The following C2CD5 variants were observed in gnomAD, a reference collection of about 807,000 sequenced individuals.
C2CD5 encodes the protein C2 domain-containing protein 5.
C2CD5 carries 109 observed loss-of-function variants against 130.3 expected under a neutral mutation model. The observed-to-expected ratio is 0.84, with a 90% CI of 0.72 to 0.98. The LOEUF (loss-of-function observed/expected upper bound fraction) is 0.98, where lower values mean the gene tolerates loss of function less well. Ranked by LOEUF, C2CD5 falls within the 50% of genes least tolerant of loss-of-function variation. C2CD5 has a pLI of 0.00. For missense variants in C2CD5, 996 were observed against 1,261.8 expected (o/e 0.79, Z 3.19); for synonymous variants, 454 against 429.2 (o/e 1.06, Z -0.71).
chr12:22,471,547 AT>A lies in C2CD5; in HGVS notation c.2269-60del, dbSNP rs1047459503. 71 of 949,864 alleles carry A rather than the reference AT, an allele frequency of 7.5e-5. No homozygotes were observed. In the African/African-American group the frequency reaches 9.1e-4, roughly 12 times the overall value. 58.8% of individuals were successfully genotyped at this position (949,864 alleles called of 1,614,324 possible). A position where few individuals can be genotyped will look rare whatever the true frequency, so the allele number is the denominator to read the frequency against. Reference sequence around the variant, plus strand: ...TTTATTTAAAAATTTTTAAAAGCTGATTTTTTTAATGTACATTATATTATAG... The same window carrying A: ...TTTATTTAAAAATTTTTAAAAGCTGATTTTTTAATGTACATTATATTATAG... On this transcript the variant is annotated intron_variant, in intron 19 of 26. Transcript: ENST00000446597.
intron 9 of C2CD5, 66 bp downstream of exon 9, chr12:22,513,228 A>G (rs1949380932): frequency 4.4e-6 from 5 of 1,140,936 alleles, no homozygotes; most frequent in Admixed American, 1.8e-5. Flanking sequence ...ATGCAAGTAC[A>G]TGGAAGCATA....
chr12:22,532,942 T>C (rs1423693455), intron 3 of C2CD5, among the ~76,000 whole-genome samples: 3 of 152,290 alleles, frequency 2.0e-5, no homozygotes, highest in Admixed American at 6.5e-5. Context: ...GGTTCTTAAG[T>C]AGTCCAATGA....
At chr12:22,527,305 ATATAT>A (rs1283548182) in intron 4 of C2CD5, among the ~76,000 whole-genome samples, 2 of 148,054 alleles carry the variant, frequency 1.4e-5, no homozygotes, top group African/African-American at 5.0e-5. Flanking sequence ...TCATCTTAAG[ATATAT>A]TATATACATA....
At chr12:22,509,100 G>A (rs535679291) in intron 9 of C2CD5, among the ~76,000 whole-genome samples, 39 of 150,782 alleles carry the variant, frequency 2.6e-4, no homozygotes, top group African/African-American at 7.8e-4. Flanking sequence ...GGATGGTCTC[G>A]ATCTCCTGAC....
Position 22,524,596 on chromosome 12 carries a change from C to T in C2CD5, c.477G>A (p.Val159=). The T allele has an allele frequency of 3.1e-6, 5 of 1,613,286 alleles. No individual in the cohort carries two copies. The part of the protein sequence containing the change: ...TTSIPKCYRA[V]IIHGFVEELV... Reference sequence around the variant, plus strand: ...GTTCTTCTACAAATCCATGAATTATCACAGCTCTATAGCATTTTGGAATAG... The same window carrying T: ...GTTCTTCTACAAATCCATGAATTATTACAGCTCTATAGCATTTTGGAATAG... The change falls in exon 6 of 27, where the codon GTG becomes GTA. Residue 159 remains valine (V), a synonymous_variant. Transcript: ENST00000446597.
At chr12:22,512,711 AGAG>A (rs1437835676) in intron 9 of C2CD5, 4 of 1,376,782 alleles carry the variant, frequency 2.9e-6, no homozygotes, top group Non-Finnish European at 2.9e-6. Context: ...AAAAAAAAAA[AGAG>A]AGAGAGAGAA....
At chr12:22,542,657 T>C (rs994231676) in intron 2 of C2CD5, among the ~76,000 whole-genome samples, 1 of 152,232 alleles carries the variant, frequency 6.6e-6, no homozygotes, top group African/African-American at 2.4e-5. Flanking sequence ...CTTTCCATAT[T>C]CTAATACAAT....
At chr12:22,537,443 T>C (rs1262640655) in intron 2 of C2CD5, among the ~76,000 whole-genome samples, 1 of 152,080 alleles carries the variant, frequency 6.6e-6, no homozygotes, top group Middle Eastern at 3.4e-3. Context: ...AAGGCTGGAG[T>C]GTGTATTTTG....
intron 9 of C2CD5, among the ~76,000 whole-genome samples, chr12:22,509,549 A>G (rs576288816): frequency 2.6e-5 from 4 of 152,340 alleles, no homozygotes; most frequent in African/African-American, 7.2e-5. Context: ...AATTTAACCT[A>G]TAATAAATAA....
chr12:22,465,432 T>C (rs1591959795), intron 22 of C2CD5, among the ~76,000 whole-genome samples: 1 of 152,166 alleles, frequency 6.6e-6, no homozygotes, highest in African/African-American at 2.4e-5. Flanking sequence ...TAGTATATGA[T>C]TTATACACAC....
intron 2 of C2CD5, among the ~76,000 whole-genome samples, chr12:22,541,394 G>A (rs147596859): frequency 1.3e-3 from 191 of 152,078 alleles, no homozygotes; most frequent in Non-Finnish European, 2.1e-3. Context: ...CCATATAACA[G>A]TGCTCATCTT....
chr12:22,508,871 CTTT>C (rs60617771), intron 9 of C2CD5, among the ~76,000 whole-genome samples: 3 of 138,372 alleles, frequency 2.2e-5, no homozygotes. Flanking sequence ...ATACTTAAAT[CTTT>C]TTTTTTTTTT....
At chr12:22,526,001 T>C (rs556453511) in intron 4 of C2CD5, among the ~76,000 whole-genome samples, 2 of 152,328 alleles carry the variant, frequency 1.3e-5, no homozygotes, top group African/African-American at 4.8e-5. Flanking sequence ...GGCTAAGCTA[T>C]AATGTTTGGT....
intron 10 of C2CD5, among the ~76,000 whole-genome samples, chr12:22,502,036 GTTT>G (rs1243669882): frequency 6.6e-6 from 1 of 151,448 alleles, no homozygotes; most frequent in Non-Finnish European, 1.5e-5. Flanking sequence ...TGTACATTAT[GTTT>G]TTATCAAAAA....
chr12:22,472,807 T>C lies in C2CD5; in HGVS notation c.2044A>G (p.Ile682Val), dbSNP rs1390196042. ...TCTTCCATGGCATCTGTGTCATCAA[T>C]CTTAAAATAGAGATTAAAACTATTT... ...HGKKDAFVLE[I>V]DDTDAMEDVH... The change falls in exon 17 of 27, where the codon ATT becomes GTT. Residue 682 changes from isoleucine to valine, a missense_variant and splice_region_variant. Ile to Val is a conservative substitution (Grantham distance 29, BLOSUM62 3). Coordinates refer to ENST00000446597, the MANE Select transcript of C2CD5 (RefSeq NM_001286176.2). 1.3e-6 allele frequency: 2 copies of C among 1,520,142 alleles called. No individual in the cohort carries two copies. The highest frequency in any genetic ancestry group is 1.8e-6 in the Non-Finnish European group (2 of 1,094,956). The allele number at this position is 1,520,142 out of a possible 1,614,324, so 94.2% of individuals were successfully genotyped here.
At chr12:22,453,770 A>G in intron 26 of C2CD5, 126 bp downstream of exon 26, 1 of 762,120 alleles carries the variant, frequency 1.3e-6, no homozygotes, top group Non-Finnish European at 2.2e-6. Context: ...ACTCATTAAA[A>G]TATCTTACGC....
intron 7 of C2CD5, among the ~76,000 whole-genome samples, chr12:22,520,671 T>C (rs1405630770): frequency 6.6e-6 from 1 of 152,090 alleles, no homozygotes; most frequent in Non-Finnish European, 1.5e-5. Context: ...AAATAAACAA[T>C]GCTATATTTA....
At chr12:22,469,255 G>A (rs916506748) in intron 22 of C2CD5, among the ~76,000 whole-genome samples, 3 of 151,886 alleles carry the variant, frequency 2.0e-5, no homozygotes, top group African/African-American at 4.8e-5. Flanking sequence ...GAAGCTCATC[G>A]CTTTCTCACT....
At chr12:22,538,908 A>G (rs974709916) in intron 2 of C2CD5, among the ~76,000 whole-genome samples, 7 of 152,142 alleles carry the variant, frequency 4.6e-5, no homozygotes, top group Non-Finnish European at 7.4e-5. Context: ...TTAAGTCTGT[A>G]TCAAGCATTT....
Sources: gnomAD v4.1 joint callset for allele counts (sites outside exome capture counted in the v4.1 genomes callset) on GRCh38, gnomAD v4.1.1 for gene constraint, MANE v1.5 for transcripts, NCBI Gene and HGNC (gene_info 2026-07-23, HGNC 2026-07-21) for gene names.